Variants in LDLRAP1 observed in about 807,000 individuals in gnomAD.
The protein encoded by LDLRAP1 is low density lipoprotein receptor adaptor protein 1.
Under a neutral mutation model 37.8 loss-of-function variants are expected in LDLRAP1, and 30 were observed. The ratio of observed to expected loss-of-function variants is 0.79; its 90% CI spans 0.59 to 1.08. The LOEUF (loss-of-function observed/expected upper bound fraction) is 1.08, where lower values mean the gene tolerates loss of function less well. LDLRAP1 is among the 50% of genes least tolerant of loss of function. The probability of loss-of-function intolerance (pLI) is 0.00; values close to 1 mark genes in which losing one functional copy is unlikely to be tolerated. For missense variants in LDLRAP1, 375 were observed against 401.6 expected, an observed-to-expected ratio of 0.93 and a Z score of 0.57; for synonymous variants, 156 against 169.8, an observed-to-expected ratio of 0.92 and a Z score of 0.63.
rs1057515462 is a variant in LDLRAP1, at chr1:25,543,773, T to A, written c.75T>A (p.Gly25=). The change falls in exon 1 of 9, where the codon GGT becomes GGA. Residue 25 remains glycine, a synonymous_variant. Coordinates refer to ENST00000374338, the MANE Select transcript of LDLRAP1 (RefSeq NM_015627.3). Reference sequence around the variant, plus strand: ...TGGCCAAGCAGAGCTGGGGGGGCGGTGGCCGGCACCGCAGTGAGTGTGCGC... The same window carrying A: ...TGGCCAAGCAGAGCTGGGGGGGCGGAGGCCGGCACCGCAGTGAGTGTGCGC... ...PSLAKQSWGG[G]GRHRKLPENW... 208 of 1,207,972 alleles carry A rather than the reference T, an allele frequency of 1.7e-4. No homozygotes were observed. The highest frequency in any genetic ancestry group is 2.1e-4 in the Non-Finnish European group (204 of 972,630). The allele number at this position is 1,207,972 out of a possible 1,614,324, so 74.8% of individuals were successfully genotyped here. A position where few individuals can be genotyped will look rare whatever the true frequency, so the allele number is the denominator to read the frequency against.
At chr1:25,566,545 C>T (rs1031587872) in intron 8 of LDLRAP1, among the ~76,000 whole-genome samples, 12 of 151,936 alleles carry the variant, frequency 7.9e-5, no homozygotes, top group African/African-American at 9.7e-5. Context: ...CCCCCACCCC[C>T]GCTGCTCCCT....
the LDLRAP1 span, among the ~76,000 whole-genome samples, chr1:25,580,869 G>T: frequency 6.6e-6 from 1 of 152,144 alleles, no homozygotes; most frequent in Non-Finnish European, 1.5e-5. Context: ...ATGGGGACCA[G>T]GCTCTGAGTT....
In LDLRAP1 at chr1:25,554,149, T is replaced by C; in HGVS notation, c.231+85T>C. The C allele has an allele frequency of 6.5e-7, 1 of 1,530,118 alleles. No homozygotes were observed. Among genetic ancestry groups the C allele is most frequent in the Middle Eastern group, 1.9e-4 (1 of 5,150 alleles). 94.8% of individuals were successfully genotyped at this position (1,530,118 alleles called of 1,614,324 possible). A position where few individuals can be genotyped will look rare whatever the true frequency, so the allele number is the denominator to read the frequency against. ...GGGTGCCCTCGTCCCAGCTTGTTAC[T>C]CCAGTTGGGTGTGTCTGAGCCTGGC... On this transcript the variant is annotated intron_variant, in intron 2 of 8. Coordinates refer to ENST00000374338, the MANE Select transcript of LDLRAP1 (RefSeq NM_015627.3). This position sits in a 1 kb window ranked among gnomAD's most constrained non-coding sequence, Gnocchi z 5.4.
chr1:25,572,118 C>T (rs537132508), downstream of LDLRAP1, among the ~76,000 whole-genome samples: 47 of 152,278 alleles, frequency 3.1e-4, no homozygotes, highest in Middle Eastern at 6.8e-3. Context: ...GAATGGTTGG[C>T]GACTGCATGT....
chr1:25,556,953 C>A (rs1230899920), intron 3 of LDLRAP1, among the ~76,000 whole-genome samples, 200 bp from the exon 4 acceptor site: 2 of 152,194 alleles, frequency 1.3e-5, no homozygotes, highest in African/African-American at 4.8e-5. Flanking sequence ...CCCATTCCTT[C>A]CTTCCTGCCT....
intron 1 of LDLRAP1, among the ~76,000 whole-genome samples, chr1:25,545,745 C>T (rs1164332275): frequency 6.6e-6 from 1 of 152,220 alleles, no homozygotes; most frequent in Non-Finnish European, 1.5e-5. Context: ...TCAATTTCCT[C>T]ACCTGTAAAT....
chr1:25,580,317 A>G, the LDLRAP1 span, among the ~76,000 whole-genome samples: 1 of 152,072 alleles, frequency 6.6e-6, no homozygotes, highest in African/African-American at 2.4e-5. Flanking sequence ...TAATCCCAGC[A>G]CTCTGGGAGG....
At chr1:25,577,405 C>T in the LDLRAP1 span, among the ~76,000 whole-genome samples, 1 of 152,130 alleles carries the variant, frequency 6.6e-6, no homozygotes, top group East Asian at 1.9e-4. Context: ...TGTTCCTTAC[C>T]AGGTGGCCCT....
the LDLRAP1 span, among the ~76,000 whole-genome samples, chr1:25,574,974 C>T: frequency 6.6e-6 from 1 of 152,190 alleles, no homozygotes. Flanking sequence ...AGACAGCACC[C>T]AGGACCCAGT....
intron 7 of LDLRAP1, 53 bp downstream of exon 7, chr1:25,563,844 G>T: frequency 6.2e-7 from 1 of 1,610,494 alleles, no homozygotes. Context: ...ACCTCTGGGT[G>T]AGCCTGGGGC....
downstream of LDLRAP1, among the ~76,000 whole-genome samples, chr1:25,570,489 T>TG (rs1211158427): frequency 1.3e-5 from 2 of 152,098 alleles, no homozygotes; most frequent in Non-Finnish European, 2.9e-5. Flanking sequence ...GATTCACATC[T>TG]GGGGGGCTGG....
chr1:25,580,323 G>A, the LDLRAP1 span, among the ~76,000 whole-genome samples: 1 of 152,068 alleles, frequency 6.6e-6, no homozygotes, highest in African/African-American at 2.4e-5. Context: ...CAGCACTCTG[G>A]GAGGCTAAGG....
chr1:25,585,286 G>A, the LDLRAP1 span, among the ~76,000 whole-genome samples: 1 of 152,110 alleles, frequency 6.6e-6, no homozygotes, highest in Non-Finnish European at 1.5e-5. Flanking sequence ...CTGAGAGCAC[G>A]CAGCAGGTGT....
chr1:25,575,930 CA>C, the LDLRAP1 span, among the ~76,000 whole-genome samples: 5 of 152,156 alleles, frequency 3.3e-5, no homozygotes, highest in Non-Finnish European at 7.3e-5. Flanking sequence ...AGTCTGACTT[CA>C]AAAGCAGCAG....
At chr1:25,562,895 C>G in intron 5 of LDLRAP1, 175 bp from the exon 6 acceptor site, 1 of 813,850 alleles carries the variant, frequency 1.2e-6, no homozygotes, top group Non-Finnish European at 2.1e-6. Context: ...CAGCCGTCTC[C>G]CTCCCCAAAG....
chr1:25,543,769 G>C lies in LDLRAP1; in HGVS notation c.71G>C (p.Gly24Ala). The change falls in exon 1 of 9, where the codon GGC becomes GCC. Residue 24 changes from glycine (G) to alanine (A), a missense_variant. By Grantham distance (60) the Gly-to-Ala change is moderately conservative. Coordinates refer to ENST00000374338, the MANE Select transcript of LDLRAP1 (RefSeq NM_015627.3). ...SPSLAKQSWG[G>A]GGRHRKLPEN... ...AGCTTGGCCAAGCAGAGCTGGGGGG[G>C]CGGTGGCCGGCACCGCAGTGAGTGT... 1.7e-6 allele frequency: 2 copies of C among 1,209,174 alleles called. No homozygotes were observed. Among genetic ancestry groups the C allele is most frequent in the South Asian group, 8.3e-5 (2 of 24,188 alleles). The allele number at this position is 1,209,174 out of a possible 1,614,324, so 74.9% of individuals were successfully genotyped here.
rs376178978 is a variant in LDLRAP1, at chr1:25,566,895, C to G, written c.830C>G (p.Thr277Arg). ...TNPQVLDTGL[T>R]AQDMHYAQCL... ...CCTCAGGTCCTGGACACTGGCCTGA[C>G]AGCCCAGGACATGCATTACGCCCAG... The change falls in exon 9 of 9, where the codon ACA becomes AGA. Residue 277 changes from threonine (T) to arginine (R), a missense_variant. Coordinates refer to ENST00000374338, the MANE Select transcript of LDLRAP1 (RefSeq NM_015627.3). 5 of 1,612,992 alleles carry G rather than the reference C, an allele frequency of 3.1e-6. No individual in the cohort carries two copies. In the African/African-American group the frequency reaches 6.7e-5, roughly 22 times the overall value.
At chr1:25,545,650 C>A (rs2043916749) in intron 1 of LDLRAP1, among the ~76,000 whole-genome samples, 2 of 152,150 alleles carry the variant, frequency 1.3e-5, no homozygotes, top group Admixed American at 1.3e-4. Context: ...CTCCTCCAGG[C>A]CCTGGTAAGC....
intron 1 of LDLRAP1, among the ~76,000 whole-genome samples, chr1:25,552,665 A>G (rs539545266): frequency 3.9e-5 from 6 of 152,320 alleles, no homozygotes; most frequent in African/African-American, 1.4e-4. Flanking sequence ...GTGTTCATTC[A>G]TCTTTCTTCA....
Sources: gnomAD v4.1 joint callset for allele counts (sites outside exome capture counted in the v4.1 genomes callset) on GRCh38, gnomAD v4.1.1 for gene constraint, Gnocchi (gnomAD v3.1) non-coding constraint, MANE v1.5 for transcripts, NCBI Gene and HGNC (gene_info 2026-07-23, HGNC 2026-07-21) for gene names.